ROR2: variants seen among roughly 807,000 people sequenced by gnomAD.
ROR2 encodes the protein tyrosine-protein kinase transmembrane receptor ROR2.
ROR2 carries 33 observed loss-of-function variants against 74.9 expected under a neutral mutation model. The ratio of observed to expected loss-of-function variants is 0.44; its 90% confidence interval spans 0.33 to 0.59. The LOEUF (loss-of-function observed/expected upper bound fraction) is 0.59. Among genes scored for constraint, ROR2 ranks in the 20% least tolerant of loss-of-function variants. The pLI, the probability that ROR2 is intolerant of heterozygous loss-of-function variation, is 0.02. For synonymous variants in ROR2, 586 were observed against 558.7 expected (o/e 1.05, Z -0.69); for missense variants, 1,216 against 1,313.8 (o/e 0.93, Z 1.15).
intron 1 of ROR2, among the ~76,000 whole-genome samples, chr9:91,911,128 C>T (rs980976797): frequency 6.6e-6 from 1 of 152,250 alleles, no homozygotes; most frequent in Non-Finnish European, 1.5e-5. Flanking sequence ...CATCTGCACA[C>T]TACCCCACCA....
intron 1 of ROR2, among the ~76,000 whole-genome samples, chr9:91,879,028 C>T (rs1449490077): frequency 1.3e-5 from 2 of 151,088 alleles, no homozygotes; most frequent in South Asian, 2.1e-4. Context: ...GGCGACAGAG[C>T]GAGACTCCAT....
intron 1 of ROR2, among the ~76,000 whole-genome samples, chr9:91,889,643 G>A (rs545802315): frequency 6.6e-6 from 1 of 152,114 alleles, no homozygotes; most frequent in Non-Finnish European, 1.5e-5. Context: ...CATGACAAAT[G>A]CCAAAGCCAA....
chr9:91,864,266 T>C (rs1829561446), intron 1 of ROR2, among the ~76,000 whole-genome samples: 1 of 152,180 alleles, frequency 6.6e-6, no homozygotes, highest in Non-Finnish European at 1.5e-5. Flanking sequence ...GATCCACCTG[T>C]TTCCATCCAC....
intron 1 of ROR2, among the ~76,000 whole-genome samples, chr9:91,937,311 G>A (rs926564412): frequency 6.6e-6 from 1 of 152,110 alleles, no homozygotes; most frequent in African/African-American, 2.4e-5. Flanking sequence ...AAAATGGAAT[G>A]TGGATCAAAT....
intron 1 of ROR2, among the ~76,000 whole-genome samples, chr9:91,799,766 T>C (rs554373943): frequency 9.2e-5 from 14 of 152,304 alleles, no homozygotes; most frequent in Admixed American, 3.9e-4. Flanking sequence ...TTTTCTAATT[T>C]TTCCACCTCT....
chr9:91,793,017 A>G (rs1172509507), intron 1 of ROR2, among the ~76,000 whole-genome samples: 2 of 152,248 alleles, frequency 1.3e-5, no homozygotes, highest in African/African-American at 4.8e-5. Flanking sequence ...TCAATCCTTC[A>G]TAGTCTCTTC....
In ROR2 at chr9:91,949,947, G is replaced by A. The variant is rs762118701; in HGVS notation, c.17C>T (p.Ala6Val). ...GCACAGCAGCGGCCGCCGCGGGAGC[G>A]CCGAGCCCCGGGCCATGCCGCAGGC... Reference protein sequence around the residue: MARGSALPRRPLLCIP... With the variant: MARGSVLPRRPLLCIP... The change falls in exon 1 of 9, where the codon GCG (alanine) becomes GTG (valine). Residue 6 changes from alanine to valine, a missense_variant. Ala to Val is a moderately conservative substitution (Grantham distance 64, BLOSUM62 0). Transcript: ENST00000375708. 6.6e-7 allele frequency: 1 copy of A among 1,507,122 alleles called. No individual in the cohort carries two copies. Among genetic ancestry groups the A allele is most frequent in the South Asian group, 1.2e-5 (1 of 80,754 alleles). 93.4% of individuals were successfully genotyped at this position (1,507,122 alleles called of 1,614,324 possible).
chr9:91,940,571 C>G (rs1831821754), intron 1 of ROR2, among the ~76,000 whole-genome samples: 1 of 151,468 alleles, frequency 6.6e-6, no homozygotes, highest in Non-Finnish European at 1.5e-5. Flanking sequence ...ACACCATTTC[C>G]AATAAAATCA....
intron 2 of ROR2, among the ~76,000 whole-genome samples, chr9:91,760,810 T>A (rs915930030): frequency 1.3e-5 from 2 of 152,212 alleles, no homozygotes; most frequent in African/African-American, 4.8e-5. Flanking sequence ...TGAGAAAGCA[T>A]GGTCTATGTA....
At chr9:91,755,274 C>T (rs80124250) in intron 4 of ROR2, among the ~76,000 whole-genome samples, 4,680 of 152,298 alleles carry the variant, frequency 0.031, 110 homozygotes, top group Non-Finnish European at 0.048. Context: ...GTAATGGGTA[C>T]AAGGCCCAGG....
At chr9:91,909,123 T>C (rs1333263433) in intron 1 of ROR2, among the ~76,000 whole-genome samples, 1 of 152,160 alleles carries the variant, frequency 6.6e-6, no homozygotes, top group Non-Finnish European at 1.5e-5. Flanking sequence ...AAAATGAAAA[T>C]TGCTTGCTAA....
At chr9:91,792,572 T>C (rs1827036047) in intron 1 of ROR2, among the ~76,000 whole-genome samples, 1 of 152,200 alleles carries the variant, frequency 6.6e-6, no homozygotes, top group Non-Finnish European at 1.5e-5. Context: ...CCTCCCAAAG[T>C]GCTGGGATTA....
At chr9:91,799,867 C>A (rs187265983) in intron 1 of ROR2, among the ~76,000 whole-genome samples, 2 of 152,222 alleles carry the variant, frequency 1.3e-5, no homozygotes, top group Non-Finnish European at 2.9e-5. Context: ...TCTCAAGGAA[C>A]CCCCACACAG....
At chr9:91,899,758 CACAA>C (rs919933301) in intron 1 of ROR2, among the ~76,000 whole-genome samples, 3 of 152,286 alleles carry the variant, frequency 2.0e-5, no homozygotes, top group South Asian at 4.1e-4. Context: ...TACACTCACA[CACAA>C]ACGTGTGCAC....
At chr9:91,922,076 T>C (rs753959866) in intron 1 of ROR2, among the ~76,000 whole-genome samples, 99 of 151,656 alleles carry the variant, frequency 6.5e-4, no homozygotes, top group Non-Finnish European at 1.3e-3. Flanking sequence ...CTAGGACGAC[T>C]ATTACCAAAA....
intron 1 of ROR2, among the ~76,000 whole-genome samples, chr9:91,853,949 G>C (rs1829194393): frequency 1.3e-5 from 2 of 152,170 alleles, no homozygotes; most frequent in African/African-American, 4.8e-5. Flanking sequence ...TTCCATCATA[G>C]ATTGGGCTCC....
At chr9:91,878,958 C>T (rs547398662) in intron 1 of ROR2, among the ~76,000 whole-genome samples, 6 of 152,106 alleles carry the variant, frequency 3.9e-5, no homozygotes, top group East Asian at 1.9e-4. Flanking sequence ...AGGAGAATGG[C>T]GTGAACCCGG....
intron 1 of ROR2, among the ~76,000 whole-genome samples, chr9:91,945,392 G>A: frequency 6.6e-6 from 1 of 152,152 alleles, no homozygotes. Flanking sequence ...AAACCATTAG[G>A]CTAGGAGTAT....
At chr9:91,838,711 G>A (rs1828687771) in intron 1 of ROR2, among the ~76,000 whole-genome samples, 1 of 140,026 alleles carries the variant, frequency 7.1e-6, no homozygotes, top group Non-Finnish European at 1.6e-5. Context: ...CGCTGCAGTC[G>A]GAAAATAGGA....
Sources: allele counts gnomAD v4.1 joint callset (sites outside exome capture counted in the v4.1 genomes callset), GRCh38; gene constraint gnomAD v4.1.1; transcripts MANE v1.5; gene names NCBI Gene and HGNC (gene_info 2026-07-23, HGNC 2026-07-21).